The following HECW1 variants were observed in gnomAD, a reference collection of about 807,000 sequenced individuals.
HECW1 encodes the protein E3 ubiquitin-protein ligase HECW1.
HECW1 carries 61 observed loss-of-function variants against 182.3 expected under a neutral mutation model. The observed-to-expected ratio is 0.33, with a 90% CI of 0.27 to 0.41. The LOEUF (loss-of-function observed/expected upper bound fraction) is 0.41, where lower values mean the gene tolerates loss of function less well. Ranked by LOEUF, HECW1 falls within the 10% of genes least tolerant of loss-of-function variation. The probability of loss-of-function intolerance (pLI) is 1.00; values close to 1 mark genes in which losing one functional copy is unlikely to be tolerated. For missense variants in HECW1, 1,739 were observed against 2,108.9 expected (o/e 0.82, Z 3.44); for synonymous variants, 859 against 832.6 (o/e 1.03, Z -0.55).
At chr7:43,252,027 T>C (rs57443323) in intron 3 of HECW1, among the ~76,000 whole-genome samples, 67,240 of 152,000 alleles carry the variant, frequency 0.44, 17,210 homozygotes, top group African/African-American at 0.71. Context: ...CTCCTCCTGT[T>C]TCTGCTGATT....
chr7:43,369,440 A>G (rs1037034014), intron 6 of HECW1, among the ~76,000 whole-genome samples: 2 of 152,162 alleles, frequency 1.3e-5, no homozygotes, highest in Admixed American at 6.5e-5. Context: ...CCTGGGCTAC[A>G]AGAGTGAGCG....
intron 24 of HECW1, among the ~76,000 whole-genome samples, chr7:43,527,497 CCTCT>C (rs1330339020): frequency 1.3e-5 from 2 of 152,160 alleles, no homozygotes; most frequent in Non-Finnish European, 2.9e-5. Context: ...TGTGTCCTCT[CCTCT>C]CTATCTCTTA....
chr7:43,387,898 G>T (rs2074863727), intron 6 of HECW1, among the ~76,000 whole-genome samples: 1 of 152,250 alleles, frequency 6.6e-6, no homozygotes, highest in African/African-American at 2.4e-5. Context: ...TAAGATAGAA[G>T]TCAGAGGTTA....
chr7:43,292,472 A>T (rs1196057548), intron 3 of HECW1, among the ~76,000 whole-genome samples: 1 of 152,244 alleles, frequency 6.6e-6, no homozygotes, highest in African/African-American at 2.4e-5. Flanking sequence ...CTGAAGCCCA[A>T]CTAATACCCA....
At chr7:43,532,489 C>G (rs1223589904) in intron 24 of HECW1, among the ~76,000 whole-genome samples, 3 of 152,156 alleles carry the variant, frequency 2.0e-5, no homozygotes, top group Non-Finnish European at 2.9e-5. Context: ...CATGGCCTGC[C>G]AAGTCCGGCA....
At chr7:43,146,541 C>A (rs1788733089) in intron 2 of HECW1, among the ~76,000 whole-genome samples, 1 of 152,196 alleles carries the variant, frequency 6.6e-6, no homozygotes, top group Non-Finnish European at 1.5e-5. Context: ...GGGAATGGAA[C>A]ATTTACAGTT....
rs144464018 is a variant in HECW1, at chr7:43,212,536, T to A, written c.-31-31339T>A. 5.3e-5 allele frequency among the ~76,000 whole-genome samples: 8 copies of A among 152,170 alleles called. No individual in the cohort carries two copies. In the East Asian group the frequency reaches 1.5e-3, roughly 29 times the overall value. On this transcript the variant is annotated intron_variant, in intron 2 of 29. Transcript: ENST00000395891. ...AACTGTTCCTCAAAACCAAATCATATGCACACAATTACAGAAGGGAGGCCA... is the reference window on the plus strand; with the variant it reads ...AACTGTTCCTCAAAACCAAATCATAAGCACACAATTACAGAAGGGAGGCCA...
intron 2 of HECW1, among the ~76,000 whole-genome samples, chr7:43,170,964 C>G (rs1481364246): frequency 6.6e-6 from 1 of 152,128 alleles, no homozygotes; most frequent in Non-Finnish European, 1.5e-5. Context: ...TGAATGAAAC[C>G]AGTGTCCTTG....
chr7:43,380,046 C>T (rs2074482184), intron 6 of HECW1, among the ~76,000 whole-genome samples: 1 of 152,136 alleles, frequency 6.6e-6, no homozygotes, highest in South Asian at 2.1e-4. Flanking sequence ...AACTTGGTGG[C>T]CTTGGGCCTC....
intron 3 of HECW1, among the ~76,000 whole-genome samples, chr7:43,306,398 C>T (rs1244195715): frequency 6.6e-6 from 1 of 150,440 alleles, no homozygotes; most frequent in African/African-American, 2.4e-5. Flanking sequence ...TTTTTAAATC[C>T]CATTACCCAC....
chr7:43,384,702 C>T (rs2074698179), intron 6 of HECW1, among the ~76,000 whole-genome samples: 1 of 152,198 alleles, frequency 6.6e-6, no homozygotes, highest in African/African-American at 2.4e-5. Context: ...CCATTACACT[C>T]ACATGAATGA....
chr7:43,501,245 C>G lies in HECW1; in HGVS notation c.3554C>G (p.Pro1185Arg). 1.2e-6 allele frequency: 2 copies of G among 1,602,558 alleles called. No homozygotes were observed. Among genetic ancestry groups the G allele is most frequent in the South Asian group, 1.1e-5 (1 of 90,724 alleles). ...GAAGAAGAGATTATGTCCTACGTCC[C>G]CCTGCAGGCTGCCTTCCACCCTGGG... The part of the protein sequence containing the change: ...LFEEEIMSYV[P>R]LQAAFHPGYS... The change falls in exon 21 of 30, where the codon CCC becomes CGC. Residue 1185 changes from proline (P) to arginine (R), a missense_variant. Coordinates refer to ENST00000395891, the MANE Select transcript of HECW1 (RefSeq NM_015052.5).
At chr7:43,301,738 G>A (rs1288593661) in intron 3 of HECW1, among the ~76,000 whole-genome samples, 4 of 152,012 alleles carry the variant, frequency 2.6e-5, no homozygotes, top group South Asian at 2.1e-4. Flanking sequence ...AGCCAGGTAC[G>A]GTGGCACGCA....
intron 5 of HECW1, among the ~76,000 whole-genome samples, chr7:43,336,171 TCTC>T (rs1812247182): frequency 7.8e-6 from 1 of 127,748 alleles, no homozygotes; most frequent in African/African-American, 3.1e-5. Context: ...TCTCTCTCTC[TCTC>T]TCTCTCTCTC....
chr7:43,240,093 A>T (rs1798733152), intron 2 of HECW1: 1 of 152,254 alleles, frequency 6.6e-6, no homozygotes, highest in African/African-American at 2.4e-5. Context: ...CTGTAATCCC[A>T]GCACTTTGGG....
chr7:43,302,607 C>T (rs191724924), intron 3 of HECW1, among the ~76,000 whole-genome samples: 11 of 152,284 alleles, frequency 7.2e-5, no homozygotes, highest in East Asian at 1.9e-4. Flanking sequence ...ATGCCCGGTA[C>T]GGGGCCGCCC....
intron 4 of HECW1, among the ~76,000 whole-genome samples, chr7:43,318,475 T>G (rs1396232535): frequency 6.6e-6 from 1 of 152,200 alleles, no homozygotes; most frequent in African/African-American, 2.4e-5. Flanking sequence ...CGGTAATGAG[T>G]GTTCATTTGC....
intron 2 of HECW1, among the ~76,000 whole-genome samples, chr7:43,195,215 T>C (rs145704917): frequency 1.8e-4 from 28 of 152,282 alleles, no homozygotes; most frequent in South Asian, 6.2e-4. Flanking sequence ...AAGAAAGAAG[T>C]GTTAATGGTA....
intron 17 of HECW1, among the ~76,000 whole-genome samples, chr7:43,489,479 A>C (rs1055673650): frequency 1.3e-5 from 2 of 152,220 alleles, no homozygotes; most frequent in African/African-American, 4.8e-5. Flanking sequence ...TGAGACTGGA[A>C]TGTGCTGCTG....
Sources: allele counts gnomAD v4.1 joint callset (sites outside exome capture counted in the v4.1 genomes callset), GRCh38; gene constraint gnomAD v4.1.1; transcripts MANE v1.5; gene names NCBI Gene and HGNC (gene_info 2026-07-23, HGNC 2026-07-21).